Variants in RAD51B observed in about 807,000 individuals in gnomAD.
The protein encoded by RAD51B is DNA repair protein RAD51 homolog 2.
RAD51B carries 38 observed loss-of-function variants against 42.2 expected under a neutral mutation model. The observed-to-expected ratio is 0.90, with a 90% CI of 0.70 to 1.18. The LOEUF (loss-of-function observed/expected upper bound fraction) is 1.18. Ranked by LOEUF, RAD51B falls within the 50% of genes most tolerant of loss-of-function variation. The probability of loss-of-function intolerance (pLI) is 0.00; values close to 1 mark genes in which losing one functional copy is unlikely to be tolerated. For synonymous variants in RAD51B, 154 were observed against 145.2 expected (o/e 1.06, Z -0.43); for missense variants, 373 against 400.7 (o/e 0.93, Z 0.59).
chr14:68,675,128 GGAGA>G (rs1893276886), intron 11 of RAD51B, among the ~76,000 whole-genome samples: 1 of 152,178 alleles, frequency 6.6e-6, no homozygotes, highest in East Asian at 1.9e-4. Context: ...GAGAAGCAAA[GGAGA>G]GAGAGGACAA....
chr14:68,470,782 T>C (rs2086104176), intron 10 of RAD51B: 2 of 422,230 alleles, frequency 4.7e-6, no homozygotes, highest in East Asian at 8.3e-5. Flanking sequence ...CATAAAACGT[T>C]TTTCTTACGT....
At chr14:68,227,989 C>T (rs2080074850) in intron 7 of RAD51B, among the ~76,000 whole-genome samples, 1 of 152,124 alleles carries the variant, frequency 6.6e-6, no homozygotes, top group African/African-American at 2.4e-5. Flanking sequence ...TAGCACTGTG[C>T]TAAATGTTTT....
At chr14:67,834,182 C>T (rs768727211) in intron 3 of RAD51B, among the ~76,000 whole-genome samples, 3 of 152,154 alleles carry the variant, frequency 2.0e-5, no homozygotes, top group Non-Finnish European at 4.4e-5. Context: ...CTGCTTCTCT[C>T]TCTATACCAT....
intron 10 of RAD51B, among the ~76,000 whole-genome samples, chr14:68,558,384 A>T (rs565125059): frequency 6.6e-6 from 1 of 152,240 alleles, no homozygotes; most frequent in East Asian, 1.9e-4. Context: ...GGGCTCCCCT[A>T]GCCACGCGGG....
At chr14:67,852,904 A>G (rs1436599888) in intron 4 of RAD51B, among the ~76,000 whole-genome samples, 1 of 152,158 alleles carries the variant, frequency 6.6e-6, no homozygotes, top group African/African-American at 2.4e-5. Context: ...ATATGATGAG[A>G]TGTCACTCCC....
At chr14:68,646,198 G>C (rs1055500701) in intron 10 of RAD51B, among the ~76,000 whole-genome samples, 2 of 152,110 alleles carry the variant, frequency 1.3e-5, no homozygotes, top group Admixed American at 6.5e-5. Flanking sequence ...CTGTAAACTA[G>C]TGCCAGGTTC....
At chr14:68,464,799 T>C (rs2085932796) in intron 9 of RAD51B, among the ~76,000 whole-genome samples, 1 of 152,264 alleles carries the variant, frequency 6.6e-6, no homozygotes, top group Non-Finnish European at 1.5e-5. Context: ...GGAATTCATC[T>C]GACATAACTT....
At chr14:68,011,963 A>G (rs1210249261) in intron 7 of RAD51B, among the ~76,000 whole-genome samples, 3 of 152,138 alleles carry the variant, frequency 2.0e-5, no homozygotes, top group Non-Finnish European at 4.4e-5. Context: ...TATCAATCAC[A>G]CTGGGCTGTC....
intron 8 of RAD51B, among the ~76,000 whole-genome samples, chr14:68,316,212 G>A (rs2139746897): frequency 6.6e-6 from 1 of 152,342 alleles, no homozygotes; most frequent in African/African-American, 2.4e-5. Context: ...AACTTTGTAA[G>A]TTCTGCATTT....
chr14:68,541,868 A>C, intron 10 of RAD51B: 97 of 962,792 alleles, frequency 1.0e-4, no homozygotes, highest in South Asian at 2.4e-4. Flanking sequence ...GCCTCATCTC[A>C]TCTCCTCTTT....
intron 11 of RAD51B, among the ~76,000 whole-genome samples, chr14:68,669,410 C>A (rs1290996304): frequency 6.6e-6 from 1 of 152,198 alleles, no homozygotes; most frequent in Non-Finnish European, 1.5e-5. Flanking sequence ...TGCAGAATGG[C>A]CCTGGACTGG....
chr14:68,067,705 G>A (rs892259212), intron 7 of RAD51B, among the ~76,000 whole-genome samples: 1 of 151,622 alleles, frequency 6.6e-6, no homozygotes, highest in African/African-American at 2.4e-5. Context: ...GGGTGGCCAA[G>A]GATTGCTTGA....
intron 7 of RAD51B, among the ~76,000 whole-genome samples, chr14:67,971,074 T>G (rs922473193): frequency 3.9e-5 from 6 of 152,156 alleles, no homozygotes; most frequent in Non-Finnish European, 2.9e-5. Context: ...TATAAACACG[T>G]ATGAAACTCG....
At chr14:68,660,677 A>G (rs919774436) in intron 11 of RAD51B, among the ~76,000 whole-genome samples, 6 of 152,192 alleles carry the variant, frequency 3.9e-5, no homozygotes, top group Non-Finnish European at 8.8e-5. Context: ...CACACAGGAA[A>G]TGAGACCAGT....
At chr14:68,313,690 A>G (rs1018677982) in intron 8 of RAD51B, among the ~76,000 whole-genome samples, 1 of 152,188 alleles carries the variant, frequency 6.6e-6, no homozygotes, top group African/African-American at 2.4e-5. Flanking sequence ...TCATCCTATC[A>G]TAGAGATGCA....
intron 7 of RAD51B, among the ~76,000 whole-genome samples, chr14:68,232,407 C>G (rs1355648131): frequency 6.6e-6 from 1 of 152,180 alleles, no homozygotes; most frequent in Non-Finnish European, 1.5e-5. Flanking sequence ...GCTATATCCC[C>G]CAGGTGCTGG....
At chr14:68,115,401 G>C (rs1477148942) in intron 7 of RAD51B, among the ~76,000 whole-genome samples, 70 of 100,484 alleles carry the variant, frequency 7.0e-4, no homozygotes, top group African/African-American at 2.7e-3. Context: ...GTTGTGGGGT[G>C]GGGGGAGGGG....
intron 7 of RAD51B, among the ~76,000 whole-genome samples, chr14:68,144,278 C>G (rs570932916): frequency 1.3e-5 from 2 of 152,142 alleles, no homozygotes; most frequent in Non-Finnish European, 2.9e-5. Flanking sequence ...GTGTTGTTTC[C>G]CCACAGAGCT....
chr14:68,454,210 A>G (rs1351870982), intron 9 of RAD51B, among the ~76,000 whole-genome samples: 1 of 152,260 alleles, frequency 6.6e-6, no homozygotes, highest in Non-Finnish European at 1.5e-5. Flanking sequence ...GGAGGAGTCA[A>G]AATTGAATAG....
Sources: gnomAD v4.1 joint callset for allele counts (sites outside exome capture counted in the v4.1 genomes callset) on GRCh38, gnomAD v4.1.1 for gene constraint, MANE v1.5 for transcripts, NCBI Gene and HGNC (gene_info 2026-07-23, HGNC 2026-07-21) for gene names.